The following RGS9 variants were observed in gnomAD, a reference collection of about 807,000 sequenced individuals.
RGS9 encodes the protein regulator of G protein signaling 9.
Under a neutral mutation model 102.0 loss-of-function variants are expected in RGS9, and 78 were observed. That is an observed-to-expected ratio of 0.76 (90% CI 0.64 to 0.92). RGS9 has a LOEUF of 0.92. Ranked by LOEUF, RGS9 falls within the 40% of genes least tolerant of loss-of-function variation. The pLI is 0.00. For synonymous variants in RGS9, 353 were observed against 318.6 expected (o/e 1.11, Z -1.15); for missense variants, 833 against 866.1 (o/e 0.96, Z 0.48).
At chr17:65,207,484 A>G (rs1175471369) in intron 15 of RGS9, among the ~76,000 whole-genome samples, 1 of 152,240 alleles carries the variant, frequency 6.6e-6, no homozygotes, top group African/African-American at 2.4e-5. Context: ...CCTGTTTGGC[A>G]TGTAGCATGC....
intron 13 of RGS9, 63 bp downstream of exon 13, chr17:65,197,304 C>A: frequency 1.8e-6 from 2 of 1,081,144 alleles, no homozygotes; most frequent in Non-Finnish European, 2.8e-6. Flanking sequence ...CCTTTAATGT[C>A]TAGCCTAGGG....
At chr17:65,186,250 G>C (rs189770808) in intron 9 of RGS9, among the ~76,000 whole-genome samples, 2 of 151,586 alleles carry the variant, frequency 1.3e-5, no homozygotes, top group African/African-American at 2.4e-5. Flanking sequence ...AGGCTGGAGT[G>C]CAGTAGCATG....
chr17:65,154,268 C>A (rs1910688908), intron 2 of RGS9, among the ~76,000 whole-genome samples: 1 of 151,164 alleles, frequency 6.6e-6, no homozygotes, highest in Non-Finnish European at 1.5e-5. Flanking sequence ...GATCGCACCA[C>A]TGCACTCCAG....
chr17:65,185,232 T>G (rs1912063468), intron 9 of RGS9: 1 of 152,300 alleles, frequency 6.6e-6, no homozygotes, highest in Non-Finnish European at 1.5e-5. Flanking sequence ...TTGTACAAAT[T>G]GAATTATCAC....
intron 1 of RGS9, among the ~76,000 whole-genome samples, chr17:65,146,543 C>T (rs1388927927): frequency 2.1e-5 from 3 of 140,134 alleles, no homozygotes; most frequent in Admixed American, 7.3e-5. Flanking sequence ...AGCCAAGATC[C>T]GCCACTGCAC....
chr17:65,142,985 G>C (rs1188581574), intron 1 of RGS9, among the ~76,000 whole-genome samples: 1 of 151,772 alleles, frequency 6.6e-6, no homozygotes, highest in African/African-American at 2.4e-5. Context: ...TCAAGCTCCT[G>C]GGCTCAAGGG....
At chr17:65,202,458 AGAGAGAGAGT>A (rs1458529722) in intron 14 of RGS9, among the ~76,000 whole-genome samples, 10,105 of 142,106 alleles carry the variant, frequency 0.071, 311 homozygotes, top group Non-Finnish European at 0.088. Context: ...AGAGAGAGAG[AGAGAGAGAGT>A]GAGAGAGAGA....
intron 8 of RGS9, among the ~76,000 whole-genome samples, chr17:65,174,434 AGT>A (rs575727868): frequency 2.0e-5 from 3 of 151,274 alleles, no homozygotes; most frequent in Admixed American, 6.6e-5. Flanking sequence ...TATGTGTGCG[AGT>A]GTGTGTACAT....
chr17:65,221,448 C>T (rs935887587), intron 17 of RGS9, among the ~76,000 whole-genome samples: 1 of 152,160 alleles, frequency 6.6e-6, no homozygotes, highest in Non-Finnish European at 1.5e-5. Flanking sequence ...AGCCGAGTTC[C>T]TAGTTTTGGT....
chr17:65,207,879 CT>C (rs746212201), intron 15 of RGS9, 42 bp from the exon 16 acceptor site: 22 of 1,453,114 alleles, frequency 1.5e-5, no homozygotes, highest in Non-Finnish European at 2.1e-5. Context: ...GATTTGACTG[CT>C]TTTTTCTCTC....
chr17:65,219,063 C>T (rs1447586118), intron 17 of RGS9, among the ~76,000 whole-genome samples: 1 of 152,186 alleles, frequency 6.6e-6, no homozygotes, highest in Admixed American at 6.5e-5. Context: ...GTGGGCAGGG[C>T]CAGGCAGGGC....
At chr17:65,153,206 G>A (rs1486642331) in intron 1 of RGS9, among the ~76,000 whole-genome samples, 1 of 152,268 alleles carries the variant, frequency 6.6e-6, no homozygotes, top group Non-Finnish European at 1.5e-5. Flanking sequence ...ATGAATCTGC[G>A]AGTCTTCACA....
At chr17:65,189,619 C>T (rs1409756178) in intron 10 of RGS9, among the ~76,000 whole-genome samples, 2 of 152,124 alleles carry the variant, frequency 1.3e-5, no homozygotes. Context: ...CCCAACGTGG[C>T]CCCTGCACCT....
intron 1 of RGS9, among the ~76,000 whole-genome samples, chr17:65,140,725 A>C (rs1910124182): frequency 6.6e-6 from 1 of 152,138 alleles, no homozygotes; most frequent in South Asian, 2.1e-4. Context: ...AAATATAAAA[A>C]TTAGCAGGGC....
intron 17 of RGS9, 44 bp from the exon 18 acceptor site, chr17:65,224,958 G>A (rs748632650): frequency 6.2e-7 from 1 of 1,610,376 alleles, no homozygotes. Context: ...GCTGGCTGGG[G>A]CCATGCAACT....
At chr17:65,199,702 C>T (rs1313304726) in intron 13 of RGS9, among the ~76,000 whole-genome samples, 2 of 152,048 alleles carry the variant, frequency 1.3e-5, no homozygotes, top group East Asian at 3.9e-4. Context: ...TCATGTTGGC[C>T]AGGCTGGTCT....
intron 16 of RGS9, 44 bp from the exon 17 acceptor site, chr17:65,210,444 G>A: frequency 6.2e-7 from 1 of 1,606,414 alleles, no homozygotes; most frequent in Non-Finnish European, 8.5e-7. Context: ...TGTTGGGCAA[G>A]CTGTGTCATT....
chr17:65,186,170 A>G (rs1912111365), intron 9 of RGS9, among the ~76,000 whole-genome samples: 2 of 123,626 alleles, frequency 1.6e-5, no homozygotes, highest in Non-Finnish European at 3.4e-5. Context: ...CATTTTATTT[A>G]TTTATTTATT....
chr17:65,154,091 G>A (rs1910682777), intron 2 of RGS9, among the ~76,000 whole-genome samples: 1 of 152,154 alleles, frequency 6.6e-6, no homozygotes, highest in African/African-American at 2.4e-5. Context: ...TGGATCACCT[G>A]AGGTCGGGAG....
Sources: gnomAD v4.1 joint callset for allele counts (sites outside exome capture counted in the v4.1 genomes callset) on GRCh38, gnomAD v4.1.1 for gene constraint, MANE v1.5 for transcripts, NCBI Gene and HGNC (gene_info 2026-07-23, HGNC 2026-07-21) for gene names.